Variants in EPB41L5 observed in about 807,000 individuals in gnomAD.
EPB41L5 encodes the protein band 4.1-like protein 5.
EPB41L5 carries 55 observed loss-of-function variants against 106.6 expected under a neutral mutation model. The ratio of observed to expected loss-of-function variants is 0.52; its 90% confidence interval spans 0.42 to 0.65. EPB41L5 has a LOEUF of 0.65. Among genes scored for constraint, EPB41L5 ranks in the 30% least tolerant of loss-of-function variants. EPB41L5 has a pLI of 0.00. For missense variants in EPB41L5, 871 were observed against 882.1 expected (o/e 0.99, Z 0.16); for synonymous variants, 297 against 306.7 (o/e 0.97, Z 0.33).
At chr2:120,136,103 GTTTGAA>G (rs1375345004) in intron 18 of EPB41L5, among the ~76,000 whole-genome samples, 1 of 150,786 alleles carries the variant, frequency 6.6e-6, no homozygotes, top group East Asian at 1.9e-4. Flanking sequence ...GGGGGTGGCG[GTTTGAA>G]GTTGAAGTAT....
intron 20 of EPB41L5, among the ~76,000 whole-genome samples, chr2:120,155,916 AGCAATCT>A (rs1686881884): frequency 6.6e-6 from 1 of 152,084 alleles, no homozygotes; most frequent in South Asian, 2.1e-4. Flanking sequence ...ACTGGCAAGG[AGCAATCT>A]GCTGTCACCC....
Position 120,019,066 on chromosome 2 carries a change from T to A in EPB41L5, c.-8-11T>A. On this transcript the variant is annotated splice_polypyrimidine_tract_variant and intron_variant, in intron 1 of 24. Transcript: ENST00000263713. ...TTTCCTGATGCCATCTTTTTCTCTC[T>A]GTTTTTATAGTGACAAAAATGCTGA... 4 of 1,577,162 alleles carry A rather than the reference T, an allele frequency of 2.5e-6. No homozygotes were observed. The highest frequency in any genetic ancestry group is 3.4e-6 in the Non-Finnish European group (4 of 1,164,482).
chr2:120,085,395 G>A (rs181224930), intron 10 of EPB41L5, among the ~76,000 whole-genome samples: 1 of 152,324 alleles, frequency 6.6e-6, no homozygotes, highest in Admixed American at 6.5e-5. Flanking sequence ...GTTTGCCTGG[G>A]TATCACCAGT....
At chr2:120,063,359 A>G (rs1304675061) in intron 3 of EPB41L5, among the ~76,000 whole-genome samples, 1 of 151,640 alleles carries the variant, frequency 6.6e-6, no homozygotes, top group African/African-American at 2.4e-5. Context: ...AAAAAAAAAA[A>G]AGTGAATTAA....
intron 3 of EPB41L5, among the ~76,000 whole-genome samples, chr2:120,052,253 G>A (rs779368502): frequency 2.6e-5 from 4 of 152,012 alleles, no homozygotes; most frequent in South Asian, 2.1e-4. Context: ...TTTGTATATC[G>A]TCCCTCAATT....
chr2:120,165,406 C>G (rs1265993445), intron 22 of EPB41L5, among the ~76,000 whole-genome samples: 1 of 152,070 alleles, frequency 6.6e-6, no homozygotes, highest in Non-Finnish European at 1.5e-5. Flanking sequence ...TGCATATAAC[C>G]TACACATATC....
intron 18 of EPB41L5, among the ~76,000 whole-genome samples, chr2:120,135,302 A>G (rs1399845141): frequency 1.3e-5 from 2 of 152,186 alleles, no homozygotes. Flanking sequence ...GATCTAGAGT[A>G]TAGCTTCAAA....
Position 120,130,405 on chromosome 2 carries a change from G to A in EPB41L5, c.1502-1213G>A, listed in dbSNP as rs73952042. ...TTGTGTATTTTATTTTGGTTGTAATGTCAAAATCCTGATTCACATAGGTAA... is the reference window on the plus strand; with the variant it reads ...TTGTGTATTTTATTTTGGTTGTAATATCAAAATCCTGATTCACATAGGTAA... On this transcript the variant is annotated intron_variant, in intron 17 of 24. Coordinates refer to ENST00000263713, the MANE Select transcript of EPB41L5 (RefSeq NM_020909.4). Among the ~76,000 whole-genome samples the A allele has an allele frequency of 5.3e-3, 801 of 152,304 alleles. 4 individuals are homozygous for A. The highest frequency in any genetic ancestry group is 0.019 in the African/African-American group (771 of 41,554).
chr2:120,174,402 C>T (rs1313569403), intron 24 of EPB41L5, among the ~76,000 whole-genome samples: 1 of 151,894 alleles, frequency 6.6e-6, no homozygotes, highest in African/African-American at 2.4e-5. Context: ...GATGTTGAAG[C>T]TGCATTGAGC....
chr2:120,073,250 G>A (rs759374995), intron 4 of EPB41L5, 30 bp downstream of exon 4: 1 of 1,535,074 alleles, frequency 6.5e-7, no homozygotes, highest in South Asian at 1.2e-5. Context: ...TTTGTGGGGG[G>A]GAAAGGAAAT....
At chr2:120,173,184 T>A (rs1041747230) in intron 24 of EPB41L5, among the ~76,000 whole-genome samples, 1 of 152,148 alleles carries the variant, frequency 6.6e-6, no homozygotes, top group Non-Finnish European at 1.5e-5. Context: ...GTGAAAATAT[T>A]TACATAATTA....
intron 15 of EPB41L5, 140 bp downstream of exon 15, chr2:120,100,426 T>G (rs1684064959): frequency 1.2e-6 from 1 of 821,392 alleles, no homozygotes; most frequent in Middle Eastern, 2.4e-4. Context: ...CCTTAAGTGG[T>G]TCAGTAATAA....
chr2:120,106,306 T>C (rs1209279946), intron 16 of EPB41L5: 2 of 985,280 alleles, frequency 2.0e-6, no homozygotes, highest in Admixed American at 1.2e-4. Context: ...TAAACTTGTC[T>C]ATTTTATAGA....
chr2:120,073,875 A>G (rs1251905499), intron 4 of EPB41L5, among the ~76,000 whole-genome samples: 1 of 152,206 alleles, frequency 6.6e-6, no homozygotes, highest in Non-Finnish European at 1.5e-5. Flanking sequence ...CTGAACTGTT[A>G]GAATTAATCT....
In EPB41L5 at chr2:120,049,702, C is replaced by G. The variant is rs563455834; in HGVS notation, c.285+7592C>G. ...TTGCCATGTGTGAATTTGATCCTGT[C>G]ATTGTGATGTTAGCTGGTTATTTTG... On this transcript the variant is annotated intron_variant, in intron 3 of 24. Coordinates refer to ENST00000263713, the MANE Select transcript of EPB41L5 (RefSeq NM_020909.4). Among the ~76,000 whole-genome samples the G allele has an allele frequency of 4.6e-5, 7 of 152,224 alleles. No individual in the cohort carries two copies. The East Asian group carries it at 1.3e-3, about 29-fold the overall frequency.
chr2:120,106,648 TAATTA>T (rs1684469406), intron 16 of EPB41L5: 1 of 984,240 alleles, frequency 1.0e-6, no homozygotes, highest in Non-Finnish European at 1.2e-6. Flanking sequence ...TTATTTAACT[TAATTA>T]ATTTAACATC....
intron 3 of EPB41L5, among the ~76,000 whole-genome samples, chr2:120,061,649 G>A (rs1681088445): frequency 6.6e-6 from 1 of 152,138 alleles, no homozygotes; most frequent in South Asian, 2.1e-4. Flanking sequence ...ACCACACCCG[G>A]CCTATTCAGT....
At chr2:120,027,177 CA>C (rs1166663721) in intron 2 of EPB41L5, among the ~76,000 whole-genome samples, 1 of 152,188 alleles carries the variant, frequency 6.6e-6, no homozygotes, top group African/African-American at 2.4e-5. Flanking sequence ...CCTGACCCAA[CA>C]GTTACATTTC....
In EPB41L5 at chr2:120,074,114, T is replaced by C; in HGVS notation, c.343T>C (p.Cys115Arg). 1 of 1,612,210 alleles carries C rather than the reference T, an allele frequency of 6.2e-7. No individual in the cohort carries two copies. The highest frequency in any genetic ancestry group is 8.5e-7 in the Non-Finnish European group (1 of 1,179,012). ...KKQVKIGSPY[C>R]LHLRVKFYSS... ...TTAAATGACAGTTGGTTCACCCTAT[T>C]GTCTGCATCTTCGAGTTAAGTTTTA... Residue 115 changes from cysteine (C) to arginine (R), a missense_variant, in exon 5 of 25, where the codon TGT (cysteine) becomes CGT (arginine). Physicochemically the swap from Cys to Arg is radical, Grantham distance 180. Coordinates refer to ENST00000263713, the MANE Select transcript of EPB41L5 (RefSeq NM_020909.4).
Sources: allele counts gnomAD v4.1 joint callset (sites outside exome capture counted in the v4.1 genomes callset), GRCh38; gene constraint gnomAD v4.1.1; transcripts MANE v1.5; gene names NCBI Gene and HGNC (gene_info 2026-07-23, HGNC 2026-07-21).